Variants in PALM2AKAP2 observed in about 807,000 individuals in gnomAD.
PALM2AKAP2 encodes the protein PALM2 and AKAP2 fusion, also known as PALM2-AKAP2 fusion protein.
Under a neutral mutation model 71.5 loss-of-function variants are expected in PALM2AKAP2, and 37 were observed. The observed-to-expected ratio is 0.52, with a 90% confidence interval of 0.40 to 0.68. The LOEUF (loss-of-function observed/expected upper bound fraction) is 0.68. PALM2AKAP2 is among the 30% of genes least tolerant of loss of function. The probability of loss-of-function intolerance (pLI) is 0.00; values close to 1 mark genes in which losing one functional copy is unlikely to be tolerated. For synonymous variants in PALM2AKAP2, 468 were observed against 478.8 expected (o/e 0.98, Z 0.29); for missense variants, 1,224 against 1,191.8 (o/e 1.03, Z -0.40).
chr9:109,798,159 G>A (rs965342655), intron 1 of PALM2AKAP2, among the ~76,000 whole-genome samples: 3 of 152,002 alleles, frequency 2.0e-5, no homozygotes, highest in Non-Finnish European at 2.9e-5. Flanking sequence ...TATGTCTGCC[G>A]GTGTGTCCAA....
chr9:109,784,904 C>G, intron 1 of PALM2AKAP2, among the ~76,000 whole-genome samples: 1 of 152,292 alleles, frequency 6.6e-6, no homozygotes, highest in East Asian at 1.9e-4. Flanking sequence ...GGCCTACCTC[C>G]TTTTGAGAGT....
intron 1 of PALM2AKAP2, among the ~76,000 whole-genome samples, chr9:109,771,597 T>A (rs1829263689): frequency 1.3e-5 from 2 of 152,214 alleles, no homozygotes; most frequent in Admixed American, 1.3e-4. Context: ...GGAAATTGAC[T>A]ACCTGTTCTA....
chr9:109,978,900 T>A (rs1403631657), intron 6 of PALM2AKAP2, among the ~76,000 whole-genome samples: 3 of 152,142 alleles, frequency 2.0e-5, no homozygotes, highest in Non-Finnish European at 4.4e-5. Flanking sequence ...AGCTGGCAGA[T>A]GTTGACCCTG....
At chr9:110,002,861 T>C (rs1397451742) in intron 6 of PALM2AKAP2, among the ~76,000 whole-genome samples, 1 of 152,244 alleles carries the variant, frequency 6.6e-6, no homozygotes, top group African/African-American at 2.4e-5. Flanking sequence ...TGTATTTCTG[T>C]AGGATTGGTG....
At chr9:110,136,359 A>T (rs1835865840) in exon 2 of PALM2AKAP2, 3 of 1,614,178 alleles carry the variant, frequency 1.9e-6, no homozygotes, top group Non-Finnish European at 2.5e-6. Flanking sequence ...CTTACTGATC[A>T]CCACGAATCC....
At chr9:110,158,166 A>G (rs1005829331) in intron 3 of PALM2AKAP2, among the ~76,000 whole-genome samples, 1 of 152,208 alleles carries the variant, frequency 6.6e-6, no homozygotes, top group African/African-American at 2.4e-5. Flanking sequence ...CTACTCAGTC[A>G]CTTTCACCAG....
At position 109,970,938 on chromosome 9, in the gene PALM2AKAP2, T is replaced by C. The variant is rs182745824; in HGVS notation, c.496+38910T>C. Among the ~76,000 whole-genome samples the C allele has an allele frequency of 7.9e-3, 1,203 of 152,136 alleles. 53 individuals are homozygous for C. Among genetic ancestry groups the C allele is most frequent in the Admixed American group, 0.069 (1,047 of 15,278 alleles). ...GCCTGGGCAACATAGGGAGACCCTG[T>C]GTCTACAAAAAAAATTTAAAAAATT... On this transcript the variant is annotated intron_variant, in intron 6 of 9. Coordinates refer to the PALM2AKAP2 transcript ENST00000302798.
At chr9:110,142,980 C>G (rs1185664434) in intron 2 of PALM2AKAP2, among the ~76,000 whole-genome samples, 1 of 152,174 alleles carries the variant, frequency 6.6e-6, no homozygotes, top group Non-Finnish European at 1.5e-5. Flanking sequence ...GCATCCATTT[C>G]ATAGGCTTGG....
At chr9:110,126,547 C>A (rs1835609087) in intron 1 of PALM2AKAP2, among the ~76,000 whole-genome samples, 1 of 152,174 alleles carries the variant, frequency 6.6e-6, no homozygotes, top group Non-Finnish European at 1.5e-5. Context: ...GTGAGAAGAG[C>A]CTCCGAGGGC....
rs1271479062 is a variant in PALM2AKAP2 at position 109,974,650 on chromosome 9, G to C, written c.497-41304G>C. On this transcript the variant is annotated intron_variant, in intron 6 of 9. Transcript: ENST00000302798. ...AAGAAGGAAAAAAATCCCCTGCAAT[G>C]GTTTACAAAGTGTACCGCAATAGTA... 4.6e-5 allele frequency among the ~76,000 whole-genome samples: 7 copies of C among 152,134 alleles called. No individual in the cohort carries two copies. In the East Asian group the frequency reaches 1.2e-3, roughly 25 times the overall value.
intron 1 of PALM2AKAP2, among the ~76,000 whole-genome samples, chr9:110,113,334 G>T (rs1448743648): frequency 6.6e-6 from 1 of 150,754 alleles, no homozygotes; most frequent in Non-Finnish European, 1.5e-5. Flanking sequence ...CACCTCCCAG[G>T]TTCAAGAGAT....
At chr9:109,871,876 A>G (rs1829609367) in intron 2 of PALM2AKAP2, among the ~76,000 whole-genome samples, 1 of 152,088 alleles carries the variant, frequency 6.6e-6, no homozygotes. Context: ...CTTAGCTATT[A>G]TGTTTCTTAT....
intron 1 of PALM2AKAP2, among the ~76,000 whole-genome samples, chr9:109,741,407 C>T (rs1828713900): frequency 6.6e-6 from 1 of 152,164 alleles, no homozygotes; most frequent in African/African-American, 2.4e-5. Flanking sequence ...TTCAATAAAG[C>T]TGCCGTGAAT....
chr9:109,728,044 T>A (rs1224413833), intron 1 of PALM2AKAP2, among the ~76,000 whole-genome samples: 1 of 152,234 alleles, frequency 6.6e-6, no homozygotes, highest in East Asian at 1.9e-4. Context: ...CTCTTGAGTC[T>A]CCTCCACTAC....
chr9:109,776,025 AT>A (rs1451304225), upstream of PALM2AKAP2, among the ~76,000 whole-genome samples: 1 of 152,254 alleles, frequency 6.6e-6, no homozygotes, highest in African/African-American at 2.4e-5. Flanking sequence ...TGTTACATAC[AT>A]TATGCATCAT....
intron 1 of PALM2AKAP2, among the ~76,000 whole-genome samples, chr9:109,657,443 A>G (rs1263878522): frequency 9.2e-6 from 1 of 108,444 alleles, no homozygotes; most frequent in Admixed American, 8.8e-5. Flanking sequence ...AACAAAAGCA[A>G]TATGGTATTT....
At chr9:110,128,732 A>C (rs188321135) in intron 1 of PALM2AKAP2, among the ~76,000 whole-genome samples, 1 of 152,336 alleles carries the variant, frequency 6.6e-6, no homozygotes, top group East Asian at 1.9e-4. Flanking sequence ...GGTGGGGCAG[A>C]GGGGAGGCTG....
intron 6 of PALM2AKAP2, among the ~76,000 whole-genome samples, chr9:109,992,947 A>G (rs1832512272): frequency 7.1e-6 from 1 of 141,414 alleles, no homozygotes; most frequent in Non-Finnish European, 1.6e-5. Flanking sequence ...ATGTATATAT[A>G]TATATATAGA....
chr9:110,165,779 C>T (rs1836719684), intron 3 of PALM2AKAP2, among the ~76,000 whole-genome samples: 1 of 152,178 alleles, frequency 6.6e-6, no homozygotes, highest in Non-Finnish European at 1.5e-5. Context: ...ATTCTATCCT[C>T]AACACGAAGC....
Sources: gnomAD v4.1 joint callset for allele counts (sites outside exome capture counted in the v4.1 genomes callset) on GRCh38, gnomAD v4.1.1 for gene constraint, MANE v1.5 for transcripts, NCBI Gene and HGNC (gene_info 2026-07-23, HGNC 2026-07-21) for gene names.